The following NRG3 variants were observed in gnomAD, a reference collection of about 807,000 sequenced individuals.
NRG3 encodes the protein pro-neuregulin-3, membrane-bound isoform.
A neutral mutation model predicts 66.9 loss-of-function variants in NRG3; 31 were observed. That is an observed-to-expected ratio of 0.46 (90% CI 0.35 to 0.63). NRG3 has a LOEUF of 0.63. Among genes scored for constraint, NRG3 ranks in the 20% least tolerant of loss-of-function variants. The pLI is 0.00. For synonymous variants in NRG3, 393 were observed against 359.4 expected (o/e 1.09, Z -1.06); for missense variants, 910 against 878.9 (o/e 1.04, Z -0.45).
At chr10:82,977,128 T>G (rs1852339680) in intron 7 of NRG3, among the ~76,000 whole-genome samples, 1 of 152,160 alleles carries the variant, frequency 6.6e-6, no homozygotes, top group Admixed American at 6.5e-5. Flanking sequence ...AGACTTATAC[T>G]CAGTTGCAGC....
chr10:81,985,550 A>C (rs1457745173), intron 1 of NRG3, among the ~76,000 whole-genome samples: 1 of 152,138 alleles, frequency 6.6e-6, no homozygotes, highest in Non-Finnish European at 1.5e-5. Context: ...TATTGTAAGA[A>C]CTCCTAATTC....
At chr10:82,498,652 A>G (rs553532196) in intron 2 of NRG3, among the ~76,000 whole-genome samples, 1 of 152,170 alleles carries the variant, frequency 6.6e-6, no homozygotes, top group East Asian at 1.9e-4. Flanking sequence ...TGAGATTACT[A>G]GGAGAAAATA....
chr10:82,488,950 T>C (rs1051754552), intron 2 of NRG3, among the ~76,000 whole-genome samples: 7 of 152,218 alleles, frequency 4.6e-5, no homozygotes, highest in Non-Finnish European at 7.3e-5. Context: ...TGGGATCACT[T>C]TTGTGTCCAG....
chr10:82,364,185 T>C (rs1214147471), intron 2 of NRG3, among the ~76,000 whole-genome samples: 2 of 152,172 alleles, frequency 1.3e-5, no homozygotes, highest in South Asian at 2.1e-4. Context: ...TCAAGGTCAT[T>C]ATAATTCACT....
chr10:82,034,610 T>A (rs2062712885), intron 1 of NRG3, among the ~76,000 whole-genome samples: 2 of 152,114 alleles, frequency 1.3e-5, no homozygotes, highest in Admixed American at 6.6e-5. Flanking sequence ...GCAACTGACT[T>A]ATGAAAGCAA....
At chr10:82,473,246 T>C (rs1387906138) in intron 2 of NRG3, among the ~76,000 whole-genome samples, 1 of 152,158 alleles carries the variant, frequency 6.6e-6, no homozygotes, top group Non-Finnish European at 1.5e-5. Context: ...GCTGTGTGTT[T>C]TAGTGGGTGA....
intron 1 of NRG3, among the ~76,000 whole-genome samples, chr10:81,904,362 G>A (rs1450251457): frequency 6.6e-6 from 1 of 152,040 alleles, no homozygotes. Context: ...CATGGAATCT[G>A]AGTTTGGAGG....
intron 2 of NRG3, among the ~76,000 whole-genome samples, chr10:82,550,464 A>G (rs1257449818): frequency 6.6e-6 from 1 of 152,136 alleles, no homozygotes; most frequent in East Asian, 1.9e-4. Flanking sequence ...ATTTCCCAAT[A>G]GGACTCTTCT....
At chr10:82,189,574 G>A (rs1402694796) in intron 1 of NRG3, among the ~76,000 whole-genome samples, 1 of 151,978 alleles carries the variant, frequency 6.6e-6, no homozygotes, top group Non-Finnish European at 1.5e-5. Context: ...GGCAGATCAC[G>A]AGGTTAGGAG....
chr10:82,784,254 C>T (rs1428518912), intron 3 of NRG3, among the ~76,000 whole-genome samples: 1 of 151,572 alleles, frequency 6.6e-6, no homozygotes, highest in East Asian at 1.9e-4. Context: ...CCATAAAAAC[C>T]CTAGAAGAAA....
intron 1 of NRG3, among the ~76,000 whole-genome samples, chr10:82,296,707 T>C (rs2080082858): frequency 6.7e-6 from 1 of 149,664 alleles, no homozygotes; most frequent in Non-Finnish European, 1.5e-5. Context: ...ATACAATACA[T>C]TGTTGTTAAC....
chr10:82,599,478 G>A (rs1335268267), intron 2 of NRG3, among the ~76,000 whole-genome samples: 1 of 152,028 alleles, frequency 6.6e-6, no homozygotes, highest in African/African-American at 2.4e-5. Flanking sequence ...AGGTACAAAG[G>A]CAGTAGACAT....
chr10:82,868,098 G>T (rs1304046807), intron 4 of NRG3, among the ~76,000 whole-genome samples: 1 of 152,158 alleles, frequency 6.6e-6, no homozygotes, highest in African/African-American at 2.4e-5. Context: ...TAGATCCCCA[G>T]TGTAGCCATG....
chr10:81,897,148 G>A (rs1657082175), intron 1 of NRG3, among the ~76,000 whole-genome samples: 1 of 152,102 alleles, frequency 6.6e-6, no homozygotes, highest in South Asian at 2.1e-4. Flanking sequence ...CAAGGCCCTC[G>A]AGGGACTGAA....
chr10:82,020,308 C>T (rs893751111), intron 1 of NRG3, among the ~76,000 whole-genome samples: 4 of 152,048 alleles, frequency 2.6e-5, no homozygotes, highest in Non-Finnish European at 5.9e-5. Context: ...CCATAAACTG[C>T]CTTGTTTAAT....
At chr10:82,946,537 CAAA>C (rs781235674) in intron 4 of NRG3, among the ~76,000 whole-genome samples, 1 of 130,022 alleles carries the variant, frequency 7.7e-6, no homozygotes, top group Admixed American at 7.9e-5. Flanking sequence ...GACTCTGCCT[CAAA>C]AAAAAAAAGC....
At chr10:82,187,921 C>G (rs2073903041) in intron 1 of NRG3, among the ~76,000 whole-genome samples, 1 of 151,060 alleles carries the variant, frequency 6.6e-6, no homozygotes, top group Non-Finnish European at 1.5e-5. Flanking sequence ...TCAGTGTAAT[C>G]CCTATCAAAA....
At chr10:82,200,901 A>G (rs1215180224) in intron 1 of NRG3, among the ~76,000 whole-genome samples, 1 of 152,096 alleles carries the variant, frequency 6.6e-6, no homozygotes, top group Non-Finnish European at 1.5e-5. Context: ...TCAATTAAAC[A>G]TAAAGAGACA....
intron 1 of NRG3, among the ~76,000 whole-genome samples, chr10:81,931,330 A>G (rs1308547160): frequency 6.6e-6 from 1 of 152,206 alleles, no homozygotes; most frequent in African/African-American, 2.4e-5. Flanking sequence ...TACCTGGGAA[A>G]TTCCAAGGAT....
Sources: allele counts gnomAD v4.1 joint callset (sites outside exome capture counted in the v4.1 genomes callset), GRCh38; gene constraint gnomAD v4.1.1; transcripts MANE v1.5; gene names NCBI Gene and HGNC (gene_info 2026-07-23, HGNC 2026-07-21).